TSPAN8: variants seen among roughly 807,000 people sequenced by gnomAD.
The protein encoded by TSPAN8 is tetraspanin-8.
TSPAN8 carries 21 observed loss-of-function variants against 32.8 expected under a neutral mutation model. The observed-to-expected ratio is 0.64, with a 90% CI of 0.45 to 0.92. TSPAN8 has a LOEUF of 0.92. Among genes scored for constraint, TSPAN8 ranks in the 40% least tolerant of loss-of-function variants. The probability of loss-of-function intolerance (pLI) is 0.00; values close to 1 mark genes in which losing one functional copy is unlikely to be tolerated. For synonymous variants in TSPAN8, 95 were observed against 94.6 expected (o/e 1.00, Z -0.03); for missense variants, 269 against 281.9 (o/e 0.95, Z 0.33).
chr12:71,134,345 T>A (rs1228659179), intron 6 of TSPAN8, among the ~76,000 whole-genome samples: 1 of 152,200 alleles, frequency 6.6e-6, no homozygotes, highest in Non-Finnish European at 1.5e-5. Flanking sequence ...TAGAAAAAAA[T>A]ATCTTTCCAA....
In TSPAN8 at chr12:71,132,731, G is replaced by T. The variant is rs1304841974; in HGVS notation, c.538C>A (p.Pro180Thr). The T allele has an allele frequency of 2.5e-6, 4 of 1,613,832 alleles. No individual in the cohort carries two copies. In the South Asian group the frequency reaches 4.4e-5, roughly 18 times the overall value. The change falls in exon 7 of 9, where the codon CCA becomes ACA. Residue 180 changes from proline (P) to threonine (T), a missense_variant. Coordinates refer to ENST00000247829, the MANE Select transcript of TSPAN8 (RefSeq NM_004616.3). ...ELCACLDKQR[P>T]CQSYNGKQVY... is the part of the protein sequence containing the mutation. The stretch of plus-strand genomic sequence containing the variant: ...TGTTTTCCATTATAGCTTTGGCATG[G>T]TCTCTGCTTATCTAGACAGGCACAT...
intron 2 of TSPAN8, among the ~76,000 whole-genome samples, chr12:71,146,863 T>G (rs982862650): frequency 2.0e-5 from 3 of 152,192 alleles, no homozygotes; most frequent in Non-Finnish European, 4.4e-5. Flanking sequence ...CTCCAATGTA[T>G]CTGTTTTTGA....
intron 2 of TSPAN8, among the ~76,000 whole-genome samples, chr12:71,147,937 T>A (rs573981385): frequency 6.6e-6 from 1 of 152,304 alleles, no homozygotes; most frequent in African/African-American, 2.4e-5. Flanking sequence ...GCTGAATTAA[T>A]GGAGTTTGCA....
At chr12:71,140,673 A>C (rs1256102711) in intron 3 of TSPAN8, among the ~76,000 whole-genome samples, 5 of 152,226 alleles carry the variant, frequency 3.3e-5, no homozygotes, top group Non-Finnish European at 7.3e-5. Context: ...CCAACAACAC[A>C]CACATACTCG....
chr12:71,129,326 T>C lies in TSPAN8; in HGVS notation c.660+5A>G. On this transcript the variant is annotated splice_donor_5th_base_variant and intron_variant, in intron 8 of 8. Transcript: ENST00000247829. ...AAGAGTCAATAATACAAGATTATAC[T>C]GTACCTCAATAACTGCCAGTCCAAA... is the stretch of plus-strand genomic sequence containing the variant. 1 of 1,568,622 alleles carries C rather than the reference T, an allele frequency of 6.4e-7. No homozygotes were observed.
intron 6 of TSPAN8, among the ~76,000 whole-genome samples, chr12:71,134,087 CAA>C (rs952398724): frequency 6.6e-6 from 1 of 151,912 alleles, no homozygotes; most frequent in African/African-American, 2.4e-5. Flanking sequence ...ACCTCTGTGC[CAA>C]AGTTTGTTCA....
chr12:71,133,463 C>T (rs1221552675), intron 6 of TSPAN8, among the ~76,000 whole-genome samples: 1 of 152,092 alleles, frequency 6.6e-6, no homozygotes, highest in Non-Finnish European at 1.5e-5. Flanking sequence ...CCAAAGAATT[C>T]ACAAGAGAGT....
At chr12:71,134,471 G>A (rs1438691468) in intron 6 of TSPAN8, among the ~76,000 whole-genome samples, 2 of 152,172 alleles carry the variant, frequency 1.3e-5, no homozygotes, top group African/African-American at 2.4e-5. Context: ...AGGCAGATAC[G>A]AAGTCTTGTA....
chr12:71,147,282 A>G (rs970707170), intron 2 of TSPAN8, among the ~76,000 whole-genome samples: 48 of 152,164 alleles, frequency 3.2e-4, no homozygotes, highest in Admixed American at 3.1e-3. Context: ...TTTCTTTGAT[A>G]ATGTGTCTCC....
intron 2 of TSPAN8, among the ~76,000 whole-genome samples, chr12:71,149,713 C>T (rs1448955818): frequency 4.6e-5 from 7 of 152,186 alleles, no homozygotes; most frequent in East Asian, 1.9e-4. Flanking sequence ...CTGTTATCTT[C>T]GTAAGCTGAG....
At chr12:71,135,396 G>A (rs1276934481) in intron 6 of TSPAN8, among the ~76,000 whole-genome samples, 10 of 138,166 alleles carry the variant, frequency 7.2e-5, no homozygotes, top group Non-Finnish European at 1.4e-4. Context: ...GGAGAAGGGG[G>A]GACAAGAAGG....
chr12:71,129,479 T>C, intron 7 of TSPAN8, 65 bp from the exon 8 acceptor site: 1 of 1,416,744 alleles, frequency 7.1e-7, no homozygotes, highest in South Asian at 1.4e-5. Context: ...TTAATCAAAA[T>C]TTTTATTAAT....
intron 8 of TSPAN8, among the ~76,000 whole-genome samples, chr12:71,126,512 T>C (rs1395832529): frequency 1.3e-5 from 2 of 152,200 alleles, no homozygotes; most frequent in East Asian, 1.9e-4. Context: ...GACTAGATAG[T>C]TAATATCACA....
chr12:71,138,201 G>A lies in TSPAN8; in HGVS notation c.291C>T (p.Leu97=), dbSNP rs201761192. The A allele has an allele frequency of 9.3e-6, 15 of 1,613,834 alleles. No individual in the cohort carries two copies. Among genetic ancestry groups the A allele is most frequent in the Middle Eastern group, 1.6e-4 (1 of 6,080 alleles). ...LFFIGLLLIL[L]LQVATGILGA... ...CTAGGATACCTGTCGCCACCTGCAG[G>A]AGCAGGATCAGAAGCAAGCCTATGA... The change falls in exon 5 of 9, where the codon CTC becomes CTT. Residue 97 remains leucine, a synonymous_variant. Transcript: ENST00000247829.
In TSPAN8 at chr12:71,125,215, G is replaced by C; in HGVS notation, c.*119C>G. 1.3e-6 allele frequency: 1 copy of C among 787,314 alleles called. No individual in the cohort carries two copies. The highest frequency in any genetic ancestry group is 2.1e-6 in the Non-Finnish European group (1 of 482,268). 48.8% of individuals were successfully genotyped at this position (787,314 alleles called of 1,614,324 possible). A position where few individuals can be genotyped will look rare whatever the true frequency, so the allele number is the denominator to read the frequency against. ...GAAGATATCTGTGGTCTAGCTAGCCGAGACATTTTAAAAAGACAGCTGCTC... is the reference window on the plus strand; with the variant it reads ...GAAGATATCTGTGGTCTAGCTAGCCCAGACATTTTAAAAAGACAGCTGCTC... On this transcript the variant is annotated 3_prime_UTR_variant, in exon 9 of 9. Coordinates refer to ENST00000247829, the MANE Select transcript of TSPAN8 (RefSeq NM_004616.3).
chr12:71,130,361 G>C (rs1166423252), intron 7 of TSPAN8, among the ~76,000 whole-genome samples: 1 of 152,174 alleles, frequency 6.6e-6, no homozygotes, highest in African/African-American at 2.4e-5. Context: ...AGATAAAAAA[G>C]AGAAATTAGG....
chr12:71,137,410 C>T (rs1871735579), intron 6 of TSPAN8, among the ~76,000 whole-genome samples: 1 of 152,114 alleles, frequency 6.6e-6, no homozygotes, highest in South Asian at 2.1e-4. Context: ...ACCAACCTTA[C>T]CAACATGGTG....
chr12:71,125,325 T>G lies in TSPAN8; in HGVS notation c.*9A>C, dbSNP rs1871317243. 6.2e-7 allele frequency: 1 copy of G among 1,610,704 alleles called. No individual in the cohort carries two copies. Among genetic ancestry groups the G allele is most frequent in the Non-Finnish European group, 8.5e-7 (1 of 1,178,668 alleles). ...GTTTGACTGACGATAGGTTGATGCA[T>G]CCACAGATTCATTTGTTCCCGATCT... On this transcript the variant is annotated 3_prime_UTR_variant, in exon 9 of 9. Coordinates refer to ENST00000247829, the MANE Select transcript of TSPAN8 (RefSeq NM_004616.3).
intron 2 of TSPAN8, among the ~76,000 whole-genome samples, chr12:71,155,835 A>G (rs938349557): frequency 1.3e-5 from 2 of 151,684 alleles, no homozygotes; most frequent in Admixed American, 6.6e-5. Flanking sequence ...AGGTTCAAGC[A>G]ATTCTCCTGC....
Sources: gnomAD v4.1 joint callset for allele counts (sites outside exome capture counted in the v4.1 genomes callset) on GRCh38, gnomAD v4.1.1 for gene constraint, MANE v1.5 for transcripts, NCBI Gene and HGNC (gene_info 2026-07-23, HGNC 2026-07-21) for gene names.